The following SLC39A12 variants were observed in gnomAD, a reference collection of about 807,000 sequenced individuals.
SLC39A12 encodes zinc transporter ZIP12.
Under a neutral mutation model 71.1 loss-of-function variants are expected in SLC39A12, and 63 were observed. That is an observed-to-expected ratio of 0.89 (90% confidence interval 0.72 to 1.09). The LOEUF is 1.09. Ranked by LOEUF, SLC39A12 falls within the 50% of genes least tolerant of loss-of-function variation. SLC39A12 has a pLI of 0.00. For synonymous variants in SLC39A12, 351 were observed against 301.3 expected (o/e 1.16, Z -1.71); for missense variants, 892 against 812.6 (o/e 1.10, Z -1.19).
chr10:18,042,985 G>A lies in SLC39A12; in HGVS notation c.*152G>A, dbSNP rs1589266347. The A allele has an allele frequency of 1.6e-5, 9 of 566,986 alleles. No individual in the cohort carries two copies. The East Asian group carries it at 3.5e-4, about 22-fold the overall frequency. 35.1% of individuals were successfully genotyped at this position (566,986 alleles called of 1,614,324 possible). ...ATTAACTTATTAATTTTATAATGCA[G>A]TTTTATTTTTGGAAACATATAAATA... On this transcript the variant is annotated 3_prime_UTR_variant, in exon 13 of 13. Transcript: ENST00000377369.
At chr10:17,985,290 C>G (rs1327314574) in intron 6 of SLC39A12, among the ~76,000 whole-genome samples, 4 of 152,134 alleles carry the variant, frequency 2.6e-5, no homozygotes, top group East Asian at 1.9e-4. Context: ...TTGCAGCAAG[C>G]TGAGATTGTG....
At chr10:18,036,346 C>T (rs570039795) in intron 12 of SLC39A12, among the ~76,000 whole-genome samples, 8 of 152,276 alleles carry the variant, frequency 5.3e-5, no homozygotes, top group South Asian at 4.1e-4. Flanking sequence ...GATATAATCT[C>T]GTGGTGCGCC....
chr10:17,977,153 T>C (rs12243207), intron 4 of SLC39A12, among the ~76,000 whole-genome samples: 25,821 of 152,106 alleles, frequency 0.17, 2,375 homozygotes, highest in African/African-American at 0.22. Context: ...TGGACATTTA[T>C]ATAATTTAGA....
chr10:17,984,091 G>A (rs1399425851), intron 6 of SLC39A12, among the ~76,000 whole-genome samples: 6 of 152,168 alleles, frequency 3.9e-5, no homozygotes, highest in Admixed American at 3.9e-4. Context: ...TAGTGGCTAG[G>A]TCAAGCTCTG....
In SLC39A12 at chr10:17,982,621, C is replaced by T. The variant is rs555448188; in HGVS notation, c.1096+1138C>T. Among the ~76,000 whole-genome samples the T allele has an allele frequency of 2.0e-5, 3 of 152,256 alleles. No homozygotes were observed. In the South Asian group the frequency reaches 6.2e-4, roughly 32 times the overall value. On this transcript the variant is annotated intron_variant, in intron 6 of 12. Coordinates refer to ENST00000377369, the MANE Select transcript of SLC39A12 (RefSeq NM_001145195.2). ...TCTACATTCACTAAGAGAAAAAGAG[C>T]TTCATTAATAGTGAGCAGCCAAATA...
intron 6 of SLC39A12, among the ~76,000 whole-genome samples, chr10:17,986,431 G>T (rs1364802088): frequency 6.6e-6 from 1 of 152,172 alleles, no homozygotes; most frequent in East Asian, 1.9e-4. Flanking sequence ...CCAAGATCAA[G>T]GCATCAGCAG....
rs140968814 is a variant in SLC39A12 at position 17,987,628 on chromosome 10, G to A, written c.1246G>A (p.Ala416Thr). 9.3e-6 allele frequency: 15 copies of A among 1,614,108 alleles called. No homozygotes were observed. The highest frequency in any genetic ancestry group is 5.5e-5 in the South Asian group (5 of 91,080). ...GLAVGTLSGD[A>T]LLHLIPQVLG... ...GGCCGTCGGGACACTGTCTGGGGAC[G>A]CTCTGCTCCACCTTATCCCTCAGGT... The change falls in exon 7 of 13, where the codon GCT becomes ACT. Residue 416 changes from alanine to threonine, a missense_variant. By Grantham distance (58) the Ala-to-Thr change is moderately conservative. Transcript: ENST00000377369.
chr10:17,976,255 C>T (rs1835106774), intron 4 of SLC39A12, among the ~76,000 whole-genome samples: 1 of 152,106 alleles, frequency 6.6e-6, no homozygotes, highest in Admixed American at 6.6e-5. Flanking sequence ...TACTCTGCCT[C>T]CTCCAGTTTT....
At chr10:17,978,369 G>T (rs943331) in intron 5 of SLC39A12, among the ~76,000 whole-genome samples, 1 of 152,004 alleles carries the variant, frequency 6.6e-6, no homozygotes, top group Non-Finnish European at 1.5e-5. Context: ...TATGCACACC[G>T]CTAATCATCC....
chr10:17,987,404 C>A, intron 6 of SLC39A12, 75 bp from the exon 7 acceptor site: 1 of 1,392,542 alleles, frequency 7.2e-7, no homozygotes, highest in Non-Finnish European at 1.0e-6. Flanking sequence ...ACCAATTCTT[C>A]TGGCATTTTC....
At chr10:17,957,204 A>G (rs571278137) in intron 2 of SLC39A12, among the ~76,000 whole-genome samples, 1 of 152,290 alleles carries the variant, frequency 6.6e-6, no homozygotes, top group East Asian at 1.9e-4. Flanking sequence ...GAAGACAGCT[A>G]CCAAGTTGTT....
At chr10:18,029,216 A>G (rs1836767994) in intron 12 of SLC39A12, among the ~76,000 whole-genome samples, 1 of 152,132 alleles carries the variant, frequency 6.6e-6, no homozygotes, top group Non-Finnish European at 1.5e-5. Flanking sequence ...CAGAAATGCT[A>G]CTTAGCAGTT....
rs1221066373 is a variant in SLC39A12 at position 18,000,742 on chromosome 10, T to G, written c.1676T>G (p.Ile559Arg). The G allele has an allele frequency of 6.2e-7, 1 of 1,614,164 alleles. No homozygotes were observed. The highest frequency in any genetic ancestry group is 1.7e-5 in the Admixed American group (1 of 60,030). The change falls in exon 11 of 13, where the codon ATA becomes AGA. Residue 559 changes from isoleucine (I) to arginine (R), a missense_variant. Ile to Arg is a moderately conservative substitution (Grantham distance 97, BLOSUM62 -3). Coordinates refer to ENST00000377369, the MANE Select transcript of SLC39A12 (RefSeq NM_001145195.2). Reference protein sequence around the residue: ...SLHNFADGLAIGAAFSSSSES... With the variant: ...SLHNFADGLARGAAFSSSSES... ...CATAATTTTGCAGATGGCCTAGCCA[T>G]AGGAGCAGCCTTCTCATCATCATCC...
chr10:17,975,388 A>C (rs373744410), intron 4 of SLC39A12, among the ~76,000 whole-genome samples: 65 of 152,282 alleles, frequency 4.3e-4, no homozygotes, highest in East Asian at 3.1e-3. Context: ...GCAGGTGACA[A>C]GTCCTGCCCG....
At position 17,981,803 on chromosome 10, in the gene SLC39A12, T is replaced by A. The variant is rs184464961; in HGVS notation, c.1096+320T>A. ...TACATACTACTCTTCAATGAATATT[T>A]TATATTTGTATATGGTTTATATGAA... is the stretch of plus-strand genomic sequence containing the variant. On this transcript the variant is annotated intron_variant, in intron 6 of 12. Transcript: ENST00000377369. 1.5e-3 allele frequency among the ~76,000 whole-genome samples: 233 copies of A among 152,314 alleles called. No individual in the cohort carries two copies. In the Middle Eastern group the frequency reaches 0.017, roughly 11 times the overall value.
chr10:18,036,135 G>A lies in SLC39A12; in HGVS notation c.1948-6570G>A, dbSNP rs535650276. On this transcript the variant is annotated intron_variant, in intron 12 of 12. Coordinates refer to ENST00000377369, the MANE Select transcript of SLC39A12 (RefSeq NM_001145195.2). ...TGCCCTGCCCCCAGAGGTGGAGCCTGCAGTGGCAGGCAGGCCTCCTTGAGC... is the reference window on the plus strand; with the variant it reads ...TGCCCTGCCCCCAGAGGTGGAGCCTACAGTGGCAGGCAGGCCTCCTTGAGC... Among the ~76,000 whole-genome samples, 517 of 151,150 alleles carry A rather than the reference G, an allele frequency of 3.4e-3. 4 individuals are homozygous for A. Among genetic ancestry groups the A allele is most frequent in the African/African-American group, 0.012 (494 of 40,384 alleles).
intron 12 of SLC39A12, among the ~76,000 whole-genome samples, chr10:18,041,816 CG>C (rs1837259184): frequency 1.5e-5 from 2 of 130,206 alleles, no homozygotes; most frequent in Admixed American, 7.7e-5. Flanking sequence ...CATATGTATA[CG>C]TATATGTATG....
At chr10:17,994,255 C>T (rs1379350976) in intron 9 of SLC39A12, among the ~76,000 whole-genome samples, 2 of 152,058 alleles carry the variant, frequency 1.3e-5, no homozygotes, top group Non-Finnish European at 2.9e-5. Context: ...CTGAAGGTAC[C>T]TTAGTGAGTC....
In SLC39A12 at chr10:17,987,615, A is replaced by G; in HGVS notation, c.1233A>G (p.Thr411=). 6.2e-7 allele frequency: 1 copy of G among 1,614,146 alleles called. No individual in the cohort carries two copies. Among genetic ancestry groups the G allele is most frequent in the Non-Finnish European group, 8.5e-7 (1 of 1,180,032 alleles). ...TGTTTGTGGGCTTGGCCGTCGGGAC[A>G]CTGTCTGGGGACGCTCTGCTCCACC... is the stretch of plus-strand genomic sequence containing the variant. ...LQLFVGLAVG[T]LSGDALLHLI... is the part of the protein sequence containing the mutation. Residue 411 remains threonine (T), a synonymous_variant, in exon 7 of 13, where the codon ACA becomes ACG. Coordinates refer to ENST00000377369, the MANE Select transcript of SLC39A12 (RefSeq NM_001145195.2).
Sources: allele counts gnomAD v4.1 joint callset (sites outside exome capture counted in the v4.1 genomes callset), GRCh38; gene constraint gnomAD v4.1.1; transcripts MANE v1.5; gene names NCBI Gene and HGNC (gene_info 2026-07-23, HGNC 2026-07-21).